Variants in TMEM178B observed in about 807,000 individuals in gnomAD.
The protein encoded by TMEM178B is transmembrane protein 178B.
In TMEM178B, 5 loss-of-function variants were observed where a neutral mutation model predicts 31.0. The observed-to-expected ratio is 0.16, with a 90% confidence interval of 0.08 to 0.34. The LOEUF (loss-of-function observed/expected upper bound fraction) is 0.34, where lower values mean the gene tolerates loss of function less well. TMEM178B is among the 10% of genes least tolerant of loss of function. TMEM178B has a pLI of 1.00. For synonymous variants in TMEM178B, 164 were observed against 164.0 expected, an observed-to-expected ratio of 1.00 and a Z score of 0.00; for missense variants, 275 against 400.3, an observed-to-expected ratio of 0.69 and a Z score of 2.67.
At chr7:141,232,937 A>G (rs1273150088) in intron 2 of TMEM178B, among the ~76,000 whole-genome samples, 1 of 152,206 alleles carries the variant, frequency 6.6e-6, no homozygotes, top group African/African-American at 2.4e-5. Flanking sequence ...AGATGATCTG[A>G]GTACAGCTGT....
chr7:141,167,543 G>A (rs1290323960), intron 1 of TMEM178B, among the ~76,000 whole-genome samples: 1 of 152,230 alleles, frequency 6.6e-6, no homozygotes, highest in African/African-American at 2.4e-5. Flanking sequence ...CGTGTACAAA[G>A]GGCCTGGATC....
intron 3 of TMEM178B, among the ~76,000 whole-genome samples, chr7:141,440,355 T>C (rs1198804114): frequency 6.6e-6 from 1 of 152,144 alleles, no homozygotes; most frequent in African/African-American, 2.4e-5. Flanking sequence ...AAAATACTGA[T>C]GCTGGGACCC....
intron 2 of TMEM178B, among the ~76,000 whole-genome samples, chr7:141,231,821 C>T (rs879907733): frequency 6.6e-6 from 1 of 152,144 alleles, no homozygotes; most frequent in Non-Finnish European, 1.5e-5. Flanking sequence ...TTTTAAGTTC[C>T]GGGGCACATG....
chr7:141,509,027 C>T, the TMEM178B span, among the ~76,000 whole-genome samples: 1 of 152,332 alleles, frequency 6.6e-6, no homozygotes, highest in African/African-American at 2.4e-5. Flanking sequence ...CGGGACATGA[C>T]ATCTATTCCA....
At chr7:141,269,471 A>C (rs1586861110) in intron 2 of TMEM178B, among the ~76,000 whole-genome samples, 1 of 152,332 alleles carries the variant, frequency 6.6e-6, no homozygotes, top group African/African-American at 2.4e-5. Context: ...GACTTTATTC[A>C]CATGCTTAAA....
At chr7:141,382,921 A>G (rs1323194628) in intron 2 of TMEM178B, among the ~76,000 whole-genome samples, 1 of 152,216 alleles carries the variant, frequency 6.6e-6, no homozygotes, top group Non-Finnish European at 1.5e-5. Flanking sequence ...GTGAATCCAC[A>G]GAAACTTCCT....
intron 2 of TMEM178B, among the ~76,000 whole-genome samples, chr7:141,258,218 G>A (rs1797959167): frequency 6.6e-6 from 1 of 150,524 alleles, no homozygotes; most frequent in African/African-American, 2.4e-5. Context: ...ATCTTCATAT[G>A]TTATAAACCC....
chr7:141,326,255 T>A (rs922322053), intron 2 of TMEM178B, among the ~76,000 whole-genome samples: 27 of 152,204 alleles, frequency 1.8e-4, no homozygotes, highest in Non-Finnish European at 3.2e-4. Flanking sequence ...TCTTGCTTTC[T>A]CATTTTTCTG....
intron 2 of TMEM178B, among the ~76,000 whole-genome samples, chr7:141,368,753 T>C (rs1586916461): frequency 1.3e-5 from 2 of 152,362 alleles, no homozygotes; most frequent in South Asian, 4.1e-4. Context: ...TCTTGATACA[T>C]ATTGTTAGAT....
chr7:141,084,234 A>AT (rs1482380929), intron 1 of TMEM178B, among the ~76,000 whole-genome samples: 3 of 152,230 alleles, frequency 2.0e-5, no homozygotes, highest in South Asian at 2.1e-4. Flanking sequence ...TGAGCCTTAG[A>AT]TTTTTTTTGC....
intron 2 of TMEM178B, among the ~76,000 whole-genome samples, chr7:141,317,650 G>A (rs1413708061): frequency 1.3e-5 from 2 of 152,190 alleles, no homozygotes; most frequent in Non-Finnish European, 2.9e-5. Flanking sequence ...AAGAATCTCT[G>A]TGTGCTCTGA....
intron 1 of TMEM178B, among the ~76,000 whole-genome samples, chr7:141,119,429 A>G (rs77499012): frequency 2.0e-5 from 3 of 152,088 alleles, no homozygotes; most frequent in Non-Finnish European, 4.4e-5. Context: ...GGGGCGGAAC[A>G]CTGATGTGGG....
chr7:141,091,261 A>C (rs144553639), intron 1 of TMEM178B, among the ~76,000 whole-genome samples: 45 of 152,076 alleles, frequency 3.0e-4, no homozygotes, highest in African/African-American at 1.1e-3. Context: ...GCTTTAATTT[A>C]AAAAAAATTG....
intron 1 of TMEM178B, among the ~76,000 whole-genome samples, chr7:141,078,009 G>C (rs1273867882): frequency 6.6e-6 from 1 of 152,066 alleles, no homozygotes; most frequent in Non-Finnish European, 1.5e-5. Context: ...CCTTCTTGGG[G>C]GTAAGATTGG....
intron 2 of TMEM178B, among the ~76,000 whole-genome samples, chr7:141,227,064 G>A (rs1797355414): frequency 2.0e-5 from 3 of 152,138 alleles, no homozygotes; most frequent in South Asian, 4.1e-4. Flanking sequence ...CTGAGAGTCC[G>A]CTGTGTGGAC....
the TMEM178B span, among the ~76,000 whole-genome samples, chr7:141,487,813 G>A: frequency 6.7e-6 from 1 of 149,142 alleles, no homozygotes; most frequent in Non-Finnish European, 1.5e-5. Context: ...GATTATCTCT[G>A]CTTGAGAAGA....
At chr7:141,176,866 G>A (rs1447578075) in intron 1 of TMEM178B, among the ~76,000 whole-genome samples, 1 of 151,706 alleles carries the variant, frequency 6.6e-6, no homozygotes, top group East Asian at 1.9e-4. Context: ...AGTCTGGCTA[G>A]TGGCCTATTT....
chr7:141,309,812 T>C (rs933937617), intron 2 of TMEM178B, among the ~76,000 whole-genome samples: 4 of 152,206 alleles, frequency 2.6e-5, no homozygotes, highest in African/African-American at 9.7e-5. Flanking sequence ...GTTAGAGAAA[T>C]AGGGTTCTTC....
intron 2 of TMEM178B, among the ~76,000 whole-genome samples, chr7:141,281,604 TG>T (rs1208374218): frequency 3.3e-5 from 5 of 152,296 alleles, no homozygotes; most frequent in African/African-American, 1.2e-4. Flanking sequence ...ACCCTGGTAA[TG>T]GGAGGGTTCC....
Sources: gnomAD v4.1 joint callset for allele counts (sites outside exome capture counted in the v4.1 genomes callset) on GRCh38, gnomAD v4.1.1 for gene constraint, MANE v1.5 for transcripts, NCBI Gene and HGNC (gene_info 2026-07-23, HGNC 2026-07-21) for gene names.